The following CELF2 variants were observed in gnomAD, a reference collection of about 807,000 sequenced individuals.
CELF2 encodes CUGBP Elav-like family member 2.
A neutral mutation model predicts 62.6 loss-of-function variants in CELF2; 8 were observed. The observed-to-expected ratio is 0.13, with a 90% CI of 0.07 to 0.23. The LOEUF (loss-of-function observed/expected upper bound fraction) is 0.23, where lower values mean the gene tolerates loss of function less well. Among genes scored for constraint, CELF2 ranks in the 10% least tolerant of loss-of-function variants. CELF2 has a pLI of 1.00. For synonymous variants in CELF2, 258 were observed against 250.0 expected (o/e 1.03, Z -0.30); for missense variants, 333 against 671.0 (o/e 0.50, Z 5.56).
chr10:11,295,698 C>G (rs1014554315), intron 9 of CELF2, among the ~76,000 whole-genome samples: 1 of 152,170 alleles, frequency 6.6e-6, no homozygotes. Context: ...GACACACAAA[C>G]CAGGTGGTTT....
intron 2 of CELF2, among the ~76,000 whole-genome samples, chr10:10,964,176 C>A (rs1237421563): frequency 6.6e-6 from 1 of 152,154 alleles, no homozygotes; most frequent in Admixed American, 6.5e-5. Context: ...CCTTTGAAAG[C>A]CATGGGATTC....
At chr10:10,772,074 G>T in the CELF2 span, among the ~76,000 whole-genome samples, 1 of 151,944 alleles carries the variant, frequency 6.6e-6, no homozygotes, top group Non-Finnish European at 1.5e-5. Flanking sequence ...TCATTACTGT[G>T]CCTATTGTAC....
chr10:10,908,704 T>C (rs2063554402), intron 1 of CELF2, among the ~76,000 whole-genome samples: 1 of 152,322 alleles, frequency 6.6e-6, no homozygotes, highest in South Asian at 2.1e-4. Context: ...ACAACCTTTA[T>C]TTCTTTGCTA....
At chr10:11,095,450 G>A (rs2142151175) in intron 1 of CELF2, among the ~76,000 whole-genome samples, 1 of 152,324 alleles carries the variant, frequency 6.6e-6, no homozygotes, top group South Asian at 2.1e-4. Flanking sequence ...CCGGCATTCG[G>A]CATGTTTTCT....
the CELF2 span, among the ~76,000 whole-genome samples, chr10:10,598,317 G>A: frequency 6.6e-6 from 1 of 152,130 alleles, no homozygotes; most frequent in East Asian, 1.9e-4. Context: ...CTTGATAGAC[G>A]TCTGTCAGTC....
At chr10:10,697,561 G>A in the CELF2 span, among the ~76,000 whole-genome samples, 18 of 152,316 alleles carry the variant, frequency 1.2e-4, no homozygotes, top group African/African-American at 4.3e-4. Flanking sequence ...TCTAGAGGCT[G>A]GGAAGTCTGA....
the CELF2 span, among the ~76,000 whole-genome samples, chr10:10,548,738 T>C: frequency 6.6e-6 from 1 of 152,334 alleles, no homozygotes; most frequent in South Asian, 2.1e-4. Context: ...GTGTATTTTA[T>C]ATCCCATAAT....
At chr10:10,733,117 C>T in the CELF2 span, among the ~76,000 whole-genome samples, 1 of 152,038 alleles carries the variant, frequency 6.6e-6, no homozygotes, top group Non-Finnish European at 1.5e-5. Context: ...CAATGAAGAC[C>T]ACACTTTTCA....
At chr10:10,784,276 C>A in the CELF2 span, among the ~76,000 whole-genome samples, 1 of 152,198 alleles carries the variant, frequency 6.6e-6, no homozygotes. Context: ...AGCCCCATGG[C>A]AGCATCTAGG....
rs912497273 is a variant in CELF2, at chr10:11,177,061, A to G, written c.271+11379A>G. Among the ~76,000 whole-genome samples, 1 of 152,158 alleles carries G rather than the reference A, an allele frequency of 6.6e-6. No individual in the cohort carries two copies. Among genetic ancestry groups the G allele is most frequent in the Non-Finnish European group, 1.5e-5 (1 of 68,026 alleles). ...ATCACCACTGGTTGCAGAAGCCTAT[A>G]TAGGGTGGCTCATTTGGACGAAGTA... On this transcript the variant is annotated intron_variant, in intron 2 of 12. Coordinates refer to ENST00000633077, the MANE Select transcript of CELF2 (RefSeq NM_001326342.2). The surrounding 1 kb of genome is among the most constrained non-coding windows in gnomAD (Gnocchi z 4.8).
intron 1 of CELF2, among the ~76,000 whole-genome samples, chr10:10,881,618 A>T (rs1381674872): frequency 1.3e-5 from 2 of 152,200 alleles, no homozygotes; most frequent in African/African-American, 4.8e-5. Context: ...AGTCAGCTAA[A>T]TTCCCGATCT....
At chr10:10,671,752 C>G in the CELF2 span, among the ~76,000 whole-genome samples, 2 of 151,248 alleles carry the variant, frequency 1.3e-5, no homozygotes, top group Non-Finnish European at 2.9e-5. Context: ...TTAATTGACA[C>G]AGAGTCTTGC....
chr10:11,116,703 T>C (rs1262474974), intron 1 of CELF2, among the ~76,000 whole-genome samples: 3 of 152,242 alleles, frequency 2.0e-5, no homozygotes, highest in Non-Finnish European at 4.4e-5. Flanking sequence ...TGTGCTCCTT[T>C]TGATGACATG....
upstream of CELF2, among the ~76,000 whole-genome samples, chr10:10,797,724 A>G (rs1176544463): frequency 1.3e-5 from 2 of 152,204 alleles, no homozygotes; most frequent in African/African-American, 4.8e-5. Context: ...GGCAGGAGGA[A>G]GAGCTTCAGC....
chr10:10,667,422 C>T, the CELF2 span, among the ~76,000 whole-genome samples: 3 of 152,164 alleles, frequency 2.0e-5, no homozygotes, highest in African/African-American at 4.8e-5. Flanking sequence ...TGAGAGTGCT[C>T]TCAGGTGTCA....
At chr10:11,188,935 A>T (rs1015710098) in intron 2 of CELF2, among the ~76,000 whole-genome samples, 1 of 152,098 alleles carries the variant, frequency 6.6e-6, no homozygotes, top group African/African-American at 2.4e-5. Context: ...CATCTCAGAC[A>T]TTGTAGTTTT....
At chr10:10,810,911 A>C (rs7099044) in intron 1 of CELF2, among the ~76,000 whole-genome samples, 9,003 of 152,288 alleles carry the variant, frequency 0.059, 397 homozygotes, top group Non-Finnish European at 0.088. Flanking sequence ...GCATCAGGGA[A>C]TGAATCCCCA....
At chr10:10,940,751 G>A (rs1350218395) in intron 2 of CELF2, among the ~76,000 whole-genome samples, 7 of 152,162 alleles carry the variant, frequency 4.6e-5, no homozygotes, top group Non-Finnish European at 1.0e-4. Flanking sequence ...ATCTCAATGT[G>A]TTCATATGTG....
At chr10:11,233,305 G>C (rs1398282060) in intron 3 of CELF2, among the ~76,000 whole-genome samples, 1 of 152,162 alleles carries the variant, frequency 6.6e-6, no homozygotes, top group African/African-American at 2.4e-5. Flanking sequence ...CTAAGTTACA[G>C]GAACTTGGGT....
Sources: gnomAD v4.1 joint callset for allele counts (sites outside exome capture counted in the v4.1 genomes callset) on GRCh38, gnomAD v4.1.1 for gene constraint, Gnocchi (gnomAD v3.1) non-coding constraint, MANE v1.5 for transcripts, NCBI Gene and HGNC (gene_info 2026-07-23, HGNC 2026-07-21) for gene names.